The following POLA2 variants were observed in gnomAD, a reference collection of about 807,000 sequenced individuals.
POLA2 encodes the protein DNA polymerase alpha 2, accessory subunit.
In POLA2, 47 loss-of-function variants were observed where a neutral mutation model predicts 82.8. The ratio of observed to expected loss-of-function variants is 0.57; its 90% confidence interval spans 0.45 to 0.72. The LOEUF (loss-of-function observed/expected upper bound fraction) is 0.72. Ranked by LOEUF, POLA2 falls within the 30% of genes least tolerant of loss-of-function variation. The pLI, the probability that POLA2 is intolerant of heterozygous loss-of-function variation, is 0.00. For synonymous variants in POLA2, 287 were observed against 286.8 expected (o/e 1.00, Z -0.01); for missense variants, 634 against 728.1 (o/e 0.87, Z 1.49).
intron 17 of POLA2, 50 bp from the exon 18 acceptor site, chr11:65,297,070 C>T (rs750269289): frequency 1.9e-6 from 3 of 1,600,348 alleles, no homozygotes; most frequent in Non-Finnish European, 2.6e-6. Context: ...CACATTGGTT[C>T]CCAGTTAGTT....
intron 4 of POLA2, among the ~76,000 whole-genome samples, chr11:65,273,460 T>G (rs181993146): frequency 6.6e-6 from 1 of 152,336 alleles, no homozygotes; most frequent in East Asian, 1.9e-4. Context: ...GCCCTGAGGC[T>G]GAGGACTAGA....
chr11:65,300,311 TC>T (rs1331502919), downstream of POLA2, among the ~76,000 whole-genome samples: 2 of 152,042 alleles, frequency 1.3e-5, no homozygotes, highest in African/African-American at 4.8e-5. Context: ...TTATCCTGCC[TC>T]AGCCTCCTGA....
At chr11:65,263,270 A>G (rs1590887737) in intron 1 of POLA2, among the ~76,000 whole-genome samples, 1 of 125,652 alleles carries the variant, frequency 8.0e-6, no homozygotes, top group African/African-American at 3.2e-5. Flanking sequence ...CCCAGGCTGG[A>G]GTGCAGTGGT....
intron 16 of POLA2, 127 bp from the exon 17 acceptor site, chr11:65,295,737 C>G (rs1949803099): frequency 7.5e-7 from 1 of 1,329,576 alleles, no homozygotes; most frequent in Non-Finnish European, 1.1e-6. Flanking sequence ...GCATTCTGCC[C>G]CACACACACA....
At chr11:65,304,661 C>T (rs1348007715) in intron 8 of POLA2, among the ~76,000 whole-genome samples, 8 of 152,154 alleles carry the variant, frequency 5.3e-5, no homozygotes, top group Non-Finnish European at 8.8e-5. Flanking sequence ...CAGCTGAGAG[C>T]CACGGGAGGC....
At position 65,281,111 on chromosome 11, in the gene POLA2, A is replaced by G. The variant is rs781417511; in HGVS notation, c.864A>G (p.Leu288=). The change falls in exon 8 of 18, where the codon TTA becomes TTG. Residue 288 remains leucine, a synonymous_variant. Coordinates refer to ENST00000265465, the MANE Select transcript of POLA2 (RefSeq NM_002689.4). ...HSSGAQIPVD[L]SELKEYSLFP... Reference sequence around the variant, plus strand: ...CGGGTGCTCAAATTCCAGTGGATTTATCTGAGCTTAAGGAATATTCTCTGT... The same window carrying G: ...CGGGTGCTCAAATTCCAGTGGATTTGTCTGAGCTTAAGGAATATTCTCTGT... 6.2e-7 allele frequency: 1 copy of G among 1,614,200 alleles called. No individual in the cohort carries two copies. The highest frequency in any genetic ancestry group is 8.5e-7 in the Non-Finnish European group (1 of 1,180,026).
intron 11 of POLA2, among the ~76,000 whole-genome samples, chr11:65,288,507 TTTTTG>T (rs1949720650): frequency 1.8e-5 from 2 of 112,398 alleles, no homozygotes; most frequent in African/African-American, 5.5e-5. Context: ...GTTCGTTTGT[TTTTTG>T]TTTTTTTTTT....
downstream of POLA2, among the ~76,000 whole-genome samples, chr11:65,303,577 C>T (rs1319690386): frequency 5.9e-5 from 9 of 152,034 alleles, no homozygotes; most frequent in Admixed American, 3.3e-4. Flanking sequence ...GTTTATATGT[C>T]GATCCAGCTT....
At chr11:65,281,610 T>C in intron 8 of POLA2, 60 bp from the exon 9 acceptor site, 1 of 1,179,960 alleles carries the variant, frequency 8.5e-7, no homozygotes, top group East Asian at 2.3e-5. Context: ...CTCAAAATAA[T>C]GTATTCCAGA....
At chr11:65,296,736 C>A (rs559764412) in intron 17 of POLA2, among the ~76,000 whole-genome samples, 13 of 152,186 alleles carry the variant, frequency 8.5e-5, no homozygotes, top group Middle Eastern at 3.4e-3. Context: ...CACCTGAGGT[C>A]AGGAGTCTGA....
chr11:65,293,156 C>T (rs1464083733), intron 13 of POLA2, among the ~76,000 whole-genome samples: 1 of 152,068 alleles, frequency 6.6e-6, no homozygotes, highest in Non-Finnish European at 1.5e-5. Flanking sequence ...GAAATAGAAA[C>T]TCAGGGCATT....
rs3782092 is a variant in POLA2, at chr11:65,278,101, C to T, written c.462-629C>T. On this transcript the variant is annotated intron_variant, in intron 5 of 17. Transcript: ENST00000265465. ...GTCATCTAAGCAGATCAGCAATATC[C>T]ATGTGTTCTTAGAGGTATAATTTAC... 3.1e-4 allele frequency among the ~76,000 whole-genome samples: 47 copies of T among 152,256 alleles called. 1 individual carries two copies. In the East Asian group the frequency reaches 8.9e-3, roughly 29 times the overall value.
chr11:65,286,665 C>A (rs1409604788), intron 10 of POLA2, among the ~76,000 whole-genome samples: 1 of 152,212 alleles, frequency 6.6e-6, no homozygotes, highest in Non-Finnish European at 1.5e-5. Flanking sequence ...GCTGGAATTA[C>A]AGGCGTTGAG....
In POLA2 at chr11:65,297,111, C is replaced by T; in HGVS notation, c.1648-9C>T. 6.2e-7 allele frequency: 1 copy of T among 1,614,002 alleles called. No homozygotes were observed. Among genetic ancestry groups the T allele is most frequent in the Non-Finnish European group, 8.5e-7 (1 of 1,179,964 alleles). On this transcript the variant is annotated splice_polypyrimidine_tract_variant and intron_variant, in intron 17 of 17. Coordinates refer to ENST00000265465, the MANE Select transcript of POLA2 (RefSeq NM_002689.4). ...TCTCCAAACCTGTCACCTCTCCTCT[C>T]CTCCCCAGGATGTCCTCGGCTGTGT...
chr11:65,276,790 C>CTT (rs1267118697), intron 5 of POLA2, among the ~76,000 whole-genome samples: 43 of 137,728 alleles, frequency 3.1e-4, no homozygotes, highest in East Asian at 4.2e-4. Flanking sequence ...AACTCTATCA[C>CTT]TTTTTTTTTT....
chr11:65,264,475 G>C (rs555708342), intron 1 of POLA2, among the ~76,000 whole-genome samples: 38 of 152,332 alleles, frequency 2.5e-4, no homozygotes, highest in African/African-American at 7.2e-4. Context: ...AAAGTGCTGG[G>C]ATTACACTGC....
chr11:65,284,126 AC>A (rs1237683929), intron 10 of POLA2, among the ~76,000 whole-genome samples: 8 of 132,066 alleles, frequency 6.1e-5, no homozygotes, highest in Non-Finnish European at 1.1e-4. Flanking sequence ...AGAGTAAGAC[AC>A]TAGATAGATA....
At chr11:65,293,036 G>A (rs957727683) in intron 13 of POLA2, among the ~76,000 whole-genome samples, 5 of 152,224 alleles carry the variant, frequency 3.3e-5, no homozygotes, top group Non-Finnish European at 7.3e-5. Context: ...TCACTTGTAT[G>A]TTGTAACCCT....
chr11:65,282,965 C>A (rs1472311650), intron 10 of POLA2, among the ~76,000 whole-genome samples: 1 of 151,964 alleles, frequency 6.6e-6, no homozygotes, highest in African/African-American at 2.4e-5. Context: ...CCTGTCTCTA[C>A]TAAAAATTAA....
Sources: allele counts gnomAD v4.1 joint callset (sites outside exome capture counted in the v4.1 genomes callset), GRCh38; gene constraint gnomAD v4.1.1; transcripts MANE v1.5; gene names NCBI Gene and HGNC (gene_info 2026-07-23, HGNC 2026-07-21).